The following STK25 variants were observed in gnomAD, a reference collection of about 807,000 sequenced individuals.
STK25 encodes serine/threonine kinase 25.
In STK25, 29 loss-of-function variants were observed where a neutral mutation model predicts 53.8. The observed-to-expected ratio is 0.54, with a 90% CI of 0.40 to 0.74. STK25 has a LOEUF of 0.74. Ranked by LOEUF, STK25 falls within the 30% of genes least tolerant of loss-of-function variation. The pLI is 0.00. For synonymous variants in STK25, 247 were observed against 238.3 expected, an observed-to-expected ratio of 1.04 and a Z score of -0.33; for missense variants, 420 against 568.0, an observed-to-expected ratio of 0.74 and a Z score of 2.65.
Position 241,501,492 on chromosome 2 carries a change from C to T in STK25, c.247G>A (p.Gly83Ser). ...ACAACAGGCACCTTTAGGTAGGAGC[C>T]AAAGTAGCGGGTGATGTAGGGGCTG... ...CDSPYITRYF[G>S]SYLKSTKLWI... Residue 83 changes from glycine (G) to serine (S), a missense_variant, in exon 3 of 12, where the codon GGC becomes AGC. Coordinates refer to ENST00000316586, the MANE Select transcript of STK25 (RefSeq NM_001271977.2). The surrounding 1 kb of genome is among the most constrained non-coding windows in gnomAD (Gnocchi z 5.3). 10 of 1,613,996 alleles carry T rather than the reference C, an allele frequency of 6.2e-6. No homozygotes were observed. Among genetic ancestry groups the T allele is most frequent in the Non-Finnish European group, 8.5e-6 (10 of 1,180,008 alleles).
Position 241,499,329 on chromosome 2 carries a change from C to T in STK25, c.513G>A (p.Lys171=), listed in dbSNP as rs575642421. ...AGGGGGTGCCCACGAATGTGTTCCT[C>T]TTAATCTGCGTGTCTGTGAGCTGCC... ...VAGQLTDTQI[K]RNTFVGTPFW... Residue 171 remains lysine, a synonymous_variant, in exon 6 of 12, where the codon AAG becomes AAA. Transcript: ENST00000316586. 5 of 1,614,058 alleles carry T rather than the reference C, an allele frequency of 3.1e-6. No homozygotes were observed. The South Asian group carries it at 5.5e-5, about 18-fold the overall frequency.
Position 241,495,347 on chromosome 2 carries a change from A to G in STK25, c.*315T>C, listed in dbSNP as rs376089496. The G allele has an allele frequency of 4.5e-4, 162 of 362,904 alleles. No homozygotes were observed. The highest frequency in any genetic ancestry group is 2.8e-3 in the African/African-American group (138 of 48,446). The allele number at this position is 362,904 out of a possible 1,614,324, so 22.5% of individuals were successfully genotyped here. A position where few individuals can be genotyped will look rare whatever the true frequency, so the allele number is the denominator to read the frequency against. ...TTGGTCTGAGCGGCCATAGGGCTGC[A>G]TGAGTCTGCAGAAGACCCAGGCGTA... is the stretch of plus-strand genomic sequence containing the variant. On this transcript the variant is annotated 3_prime_UTR_variant, in exon 12 of 12. Coordinates refer to ENST00000316586, the MANE Select transcript of STK25 (RefSeq NM_001271977.2).
chr2:241,506,266 G>A (rs2065822066), intron 2 of STK25, among the ~76,000 whole-genome samples: 1 of 152,210 alleles, frequency 6.6e-6, no homozygotes, highest in South Asian at 2.1e-4. Flanking sequence ...ACTATATGAA[G>A]TCAAGTCTCT....
intron 2 of STK25, among the ~76,000 whole-genome samples, chr2:241,507,740 C>T (rs1432842044): frequency 6.6e-6 from 1 of 152,224 alleles, no homozygotes; most frequent in Non-Finnish European, 1.5e-5. Context: ...CTTCACGCAC[C>T]TCCACCGCCC....
rs140408761 is a variant in STK25, at chr2:241,497,633, G to A, written c.1087C>T (p.Arg363Trp). 30 of 1,613,352 alleles carry A rather than the reference G, an allele frequency of 1.9e-5. No individual in the cohort carries two copies. The highest frequency in any genetic ancestry group is 1.6e-4 in the Middle Eastern group (1 of 6,084). The change falls in exon 10 of 12, where the codon CGG (arginine) becomes TGG (tryptophan). Residue 363 changes from arginine (R) to tryptophan (W), a missense_variant. Physicochemically the swap from Arg to Trp is moderately radical, Grantham distance 101. Transcript: ENST00000316586. ...PRSQCLSTLV[R>W]PVFGELKEKH... is the part of the protein sequence containing the mutation. ...ATCCTCACCTCTCCGAAGACGGGCC[G>A]GACCAGCGTGGACAGGCACTGGGAC...
upstream of STK25, chr2:241,508,766 GTCC>G: frequency 1.0e-6 from 1 of 984,722 alleles, no homozygotes; most frequent in Non-Finnish European, 1.2e-6. Context: ...GGGACCCCTA[GTCC>G]TGCTCCCGAA....
chr2:241,500,366 CTG>C, intron 4 of STK25, 85 bp from the exon 5 acceptor site: 1 of 955,998 alleles, frequency 1.0e-6, no homozygotes, highest in Non-Finnish European at 1.7e-6. Flanking sequence ...CAGGGAAGGG[CTG>C]TCCCTGCAGA....
intron 10 of STK25, chr2:241,497,396 A>C: frequency 1.8e-6 from 1 of 546,334 alleles, no homozygotes; most frequent in East Asian, 3.0e-5. Context: ...AAAAAAAGTC[A>C]CCCTAGGAAC....
intron 2 of STK25, among the ~76,000 whole-genome samples, chr2:241,502,188 A>G (rs752517130): frequency 3.3e-5 from 5 of 151,886 alleles, no homozygotes; most frequent in Non-Finnish European, 7.4e-5. Flanking sequence ...CAAACAAATA[A>G]CAACAACAAA....
Position 241,501,458 on chromosome 2 carries a change from C to CG in STK25, c.261+19dup. 6.2e-7 allele frequency: 1 copy of CG among 1,609,862 alleles called. No individual in the cohort carries two copies. The highest frequency in any genetic ancestry group is 8.5e-7 in the Non-Finnish European group (1 of 1,177,312). ...CCGGGCACAGCACCAGCAGGGTCCC[C>CG]GCCTCCCCACAACAGGCACCTTTAG... On this transcript the variant is annotated intron_variant, in intron 3 of 11. Coordinates refer to ENST00000316586, the MANE Select transcript of STK25 (RefSeq NM_001271977.2). The surrounding 1 kb of genome is among the most constrained non-coding windows in gnomAD (Gnocchi z 5.3).
rs1319260871 is a variant in STK25 at position 241,493,651 on chromosome 2, G to GTGAT, written c.*2007_*2010dup. 36 of 584,314 alleles carry GTGAT rather than the reference G, an allele frequency of 6.2e-5. No homozygotes were observed. Among genetic ancestry groups the GTGAT allele is most frequent in the Non-Finnish European group, 1.1e-4 (36 of 329,522 alleles). 36.2% of individuals were successfully genotyped at this position (584,314 alleles called of 1,614,324 possible). On this transcript the variant is annotated 3_prime_UTR_variant, in exon 12 of 12. Transcript: ENST00000316586. Reference sequence around the variant, plus strand: ...CCTCTGTCACTCAGGCTGGAGTGCAGTGATACAATCTTGGCTCACTATAAC... The same window carrying GTGAT: ...CCTCTGTCACTCAGGCTGGAGTGCAGTGATTGATACAATCTTGGCTCACTATAAC...
Position 241,494,364 on chromosome 2 carries a change from C to G in STK25, c.*1298G>C. The G allele has an allele frequency of 9.3e-6, 3 of 322,206 alleles. No homozygotes were observed. Among genetic ancestry groups the G allele is most frequent in the East Asian group, 4.8e-5 (1 of 20,954 alleles). The allele number at this position is 322,206 out of a possible 1,614,324, so 20.0% of individuals were successfully genotyped here. A position where few individuals can be genotyped will look rare whatever the true frequency, so the allele number is the denominator to read the frequency against. Reference sequence around the variant, plus strand: ...GGGAAAAATGTGCGAGTCTTGAGCGCGGAGCCGCTCAAGCCACAGCTCCCA... The same window carrying G: ...GGGAAAAATGTGCGAGTCTTGAGCGGGGAGCCGCTCAAGCCACAGCTCCCA... On this transcript the variant is annotated 3_prime_UTR_variant, in exon 12 of 12. Transcript: ENST00000316586. The surrounding 1 kb of genome is among the most constrained non-coding windows in gnomAD (Gnocchi z 4.9).
At chr2:241,507,560 G>A (rs2065912393) in intron 2 of STK25, among the ~76,000 whole-genome samples, 3 of 152,196 alleles carry the variant, frequency 2.0e-5, no homozygotes, top group Admixed American at 6.5e-5. Context: ...CAGCCCCTCA[G>A]CGCCCGCCAG....
chr2:241,493,994 G>C lies in STK25; in HGVS notation c.*1668C>G, dbSNP rs369845140. 2.9e-6 allele frequency: 4 copies of C among 1,366,122 alleles called. No individual in the cohort carries two copies. The African/African-American group carries it at 4.5e-5, about 15-fold the overall frequency. The allele number at this position is 1,366,122 out of a possible 1,614,324, so 84.6% of individuals were successfully genotyped here. On this transcript the variant is annotated 3_prime_UTR_variant, in exon 12 of 12. Transcript: ENST00000316586. Reference sequence around the variant, plus strand: ...AAGATGGCTCACTGGTCTGATGGCCGCCCTCTCCTCCAGGTGGATGGAGGT... The same window carrying C: ...AAGATGGCTCACTGGTCTGATGGCCCCCCTCTCCTCCAGGTGGATGGAGGT...
intron 1 of STK25, 148 bp from the exon 2 acceptor site, chr2:241,508,283 CG>C: frequency 1.6e-6 from 2 of 1,272,408 alleles, no homozygotes; most frequent in Non-Finnish European, 2.0e-6. Context: ...CCCAGGCTCC[CG>C]GGGGCTCGCC....
chr2:241,494,050 G>T lies in STK25; in HGVS notation c.*1612C>A, dbSNP rs1182342718. On this transcript the variant is annotated 3_prime_UTR_variant, in exon 12 of 12. Coordinates refer to ENST00000316586, the MANE Select transcript of STK25 (RefSeq NM_001271977.2). The surrounding 1 kb of genome is among the most constrained non-coding windows in gnomAD (Gnocchi z 4.9). ...AGGGGGCCAGCAGCTCAGCCGGGAGGGCCCCAAGCATCGTGCAGGATGGCC... is the reference window on the plus strand; with the variant it reads ...AGGGGGCCAGCAGCTCAGCCGGGAGTGCCCCAAGCATCGTGCAGGATGGCC... 1.4e-6 allele frequency: 2 copies of T among 1,422,484 alleles called. No homozygotes were observed. The highest frequency in any genetic ancestry group is 1.8e-6 in the Non-Finnish European group (2 of 1,087,692). 88.1% of individuals were successfully genotyped at this position (1,422,484 alleles called of 1,614,324 possible).
At position 241,493,890 on chromosome 2, in the gene STK25, C is replaced by A; in HGVS notation, c.*1772G>T. The stretch of plus-strand genomic sequence containing the variant: ...GGGATTATAGGCATGAGCCACCGCA[C>A]CCGGCCCCAGGTTTTTAACCCTTCT... On this transcript the variant is annotated 3_prime_UTR_variant, in exon 12 of 12. Transcript: ENST00000316586. 1.6e-6 allele frequency: 1 copy of A among 625,010 alleles called. No individual in the cohort carries two copies. Among genetic ancestry groups the A allele is most frequent in the Non-Finnish European group, 2.6e-6 (1 of 378,692 alleles). The allele number at this position is 625,010 out of a possible 1,614,324, so 38.7% of individuals were successfully genotyped here.
rs75506022 is a variant in STK25 at position 241,498,940 on chromosome 2, C to T, written c.771+49G>A. The T allele has an allele frequency of 7.7e-4, 1,242 of 1,612,076 alleles. 6 individuals carry two copies. In the African/African-American group the frequency reaches 0.013, roughly 17 times the overall value. On this transcript the variant is annotated intron_variant, in intron 7 of 11. Transcript: ENST00000316586. ...GTGCCGCCCACCCCAAGCGAACGCC[C>T]TCCCTCCACGTCCTGTCTAGAAGGG... is the stretch of plus-strand genomic sequence containing the variant.
upstream of STK25, chr2:241,508,830 C>G (rs2066015025): frequency 1.2e-6 from 1 of 866,532 alleles, no homozygotes; most frequent in Non-Finnish European, 1.4e-6. Flanking sequence ...GGGCGGGGCA[C>G]GTGGTCGTTG....
Sources: allele counts gnomAD v4.1 joint callset (sites outside exome capture counted in the v4.1 genomes callset), GRCh38; gene constraint gnomAD v4.1.1; non-coding constraint Gnocchi (gnomAD v3.1); transcripts MANE v1.5; gene names NCBI Gene and HGNC (gene_info 2026-07-23, HGNC 2026-07-21).